The following SPECC1 variants were observed in gnomAD, a reference collection of about 807,000 sequenced individuals.
The protein encoded by SPECC1 is cytospin-B.
A neutral mutation model predicts 104.1 loss-of-function variants in SPECC1; 62 were observed. The observed-to-expected ratio is 0.60, with a 90% confidence interval of 0.49 to 0.74. SPECC1 has a LOEUF of 0.74. Ranked by LOEUF, SPECC1 falls within the 30% of genes least tolerant of loss-of-function variation. SPECC1 has a pLI of 0.00. For missense variants in SPECC1, 1,306 were observed against 1,310.5 expected, an observed-to-expected ratio of 1.00 and a Z score of 0.05; for synonymous variants, 513 against 501.6, an observed-to-expected ratio of 1.02 and a Z score of -0.30.
chr17:20,308,389 CAAAAAAAAA>C (rs3072413), intron 14 of SPECC1, among the ~76,000 whole-genome samples: 3 of 66,606 alleles, frequency 4.5e-5, no homozygotes, highest in East Asian at 1.1e-3. Context: ...AACTCCATCT[CAAAAAAAAA>C]AAAAAAAAAA....
At chr17:20,047,682 C>T (rs1409285370) in intron 1 of SPECC1, among the ~76,000 whole-genome samples, 1 of 151,834 alleles carries the variant, frequency 6.6e-6, no homozygotes, top group Non-Finnish European at 1.5e-5. Context: ...ACTGCAAGCT[C>T]CGTCTCCCAG....
chr17:20,261,690 CGTTTA>C (rs1339227926), intron 12 of SPECC1, among the ~76,000 whole-genome samples: 3 of 152,014 alleles, frequency 2.0e-5, no homozygotes, highest in African/African-American at 4.8e-5. Flanking sequence ...GAATTGTTTG[CGTTTA>C]GTTTAAGAGT....
At chr17:20,044,291 T>G (rs1470348735) in intron 1 of SPECC1, among the ~76,000 whole-genome samples, 1 of 152,208 alleles carries the variant, frequency 6.6e-6, no homozygotes, top group Non-Finnish European at 1.5e-5. Flanking sequence ...AGGCTGTTCT[T>G]ACGAGGTAGT....
chr17:20,255,246 T>C (rs955230722), intron 10 of SPECC1, among the ~76,000 whole-genome samples: 1 of 151,608 alleles, frequency 6.6e-6, no homozygotes, highest in African/African-American at 2.4e-5. Flanking sequence ...TCAGTGGAGG[T>C]AGAGAAATGA....
At chr17:20,250,279 TG>T (rs2151556212) in intron 9 of SPECC1, among the ~76,000 whole-genome samples, 1 of 152,308 alleles carries the variant, frequency 6.6e-6, no homozygotes, top group African/African-American at 2.4e-5. Flanking sequence ...CAAAACCAGA[TG>T]TTTTTTCCTA....
chr17:20,205,153 G>A lies in SPECC1; in HGVS notation c.1104G>A (p.Leu368=). ...GTTCCCCAAACAGCGTAAGTGAATT[G>A]TCCCTGGCTTCCCTCACAGAGAAGA... ...AGSSPNSVSE[L]SLASLTEKIQ... is the part of the protein sequence containing the mutation. Residue 368 remains leucine, a synonymous_variant, in exon 4 of 15, where the codon TTG becomes TTA. Transcript: ENST00000395527. The A allele has an allele frequency of 6.2e-7, 1 of 1,614,076 alleles. No homozygotes were observed. Among genetic ancestry groups the A allele is most frequent in the Non-Finnish European group, 8.5e-7 (1 of 1,180,002 alleles).
chr17:20,254,134 C>CGTCTGT (rs1021600483), intron 10 of SPECC1, among the ~76,000 whole-genome samples: 10 of 135,976 alleles, frequency 7.4e-5, no homozygotes, highest in African/African-American at 2.1e-4. Context: ...GTTGTTACAC[C>CGTCTGT]GTGTGTGTGT....
chr17:20,105,588 C>G (rs1301510167), intron 2 of SPECC1, among the ~76,000 whole-genome samples: 1 of 152,176 alleles, frequency 6.6e-6, no homozygotes, highest in Non-Finnish European at 1.5e-5. Context: ...ACTGCTGACT[C>G]CTCACCAGAG....
At chr17:20,065,271 G>C (rs1161561782) in intron 1 of SPECC1, among the ~76,000 whole-genome samples, 1 of 152,160 alleles carries the variant, frequency 6.6e-6, no homozygotes, top group Non-Finnish European at 1.5e-5. Flanking sequence ...TACCTGGAGA[G>C]AGCATCAGAT....
In SPECC1 at chr17:20,302,235, G is replaced by A. The variant is rs558609323; in HGVS notation, c.3058-3788G>A. Among the ~76,000 whole-genome samples, 9 of 152,336 alleles carry A rather than the reference G, an allele frequency of 5.9e-5. No homozygotes were observed. The East Asian group carries it at 1.7e-3, about 29-fold the overall frequency. On this transcript the variant is annotated intron_variant, in intron 13 of 14. Transcript: ENST00000395527. ...GCCCAACCCCTCAATCCCTGCTGGT[G>A]ACTAAGAGTTTTGCCACAGGTTGGG... is the stretch of plus-strand genomic sequence containing the variant.
intron 1 of SPECC1, among the ~76,000 whole-genome samples, chr17:20,091,069 T>C (rs2152499717): frequency 6.6e-6 from 1 of 152,330 alleles, no homozygotes; most frequent in South Asian, 2.1e-4. Flanking sequence ...CTTTTCCATT[T>C]AGTTTTTGTT....
At chr17:20,191,671 C>T (rs942369616) in intron 3 of SPECC1, among the ~76,000 whole-genome samples, 1 of 151,988 alleles carries the variant, frequency 6.6e-6, no homozygotes, top group Non-Finnish European at 1.5e-5. Context: ...CTGACAAGCC[C>T]TGGTGTGTGA....
intron 1 of SPECC1, among the ~76,000 whole-genome samples, chr17:20,046,351 A>G (rs1008184353): frequency 1.3e-5 from 2 of 152,144 alleles, no homozygotes; most frequent in African/African-American, 2.4e-5. Flanking sequence ...GTTAACCCAG[A>G]CCATGAGATT....
chr17:20,160,402 A>C (rs2033029158), intron 3 of SPECC1, among the ~76,000 whole-genome samples: 2 of 152,162 alleles, frequency 1.3e-5, no homozygotes, highest in South Asian at 4.2e-4. Flanking sequence ...AGTGGTGCAC[A>C]TTATTTCTAC....
intron 12 of SPECC1, among the ~76,000 whole-genome samples, chr17:20,264,888 C>T (rs1283099301): frequency 6.6e-6 from 1 of 152,132 alleles, no homozygotes; most frequent in Non-Finnish European, 1.5e-5. Context: ...GTTTTCTGTT[C>T]CTGCGTTAGT....
Position 20,071,964 on chromosome 17 carries a change from T to A in SPECC1, c.-21-24667T>A, listed in dbSNP as rs190350838. 2.6e-5 allele frequency among the ~76,000 whole-genome samples: 4 copies of A among 152,354 alleles called. No homozygotes were observed. The East Asian group carries it at 7.7e-4, about 29-fold the overall frequency. On this transcript the variant is annotated intron_variant, in intron 1 of 14. Transcript: ENST00000395527. ...GAGTGACTAGCTTGTACTTTTTTTC[T>A]GCCTAGCCTTTTTTCTCCTTTTGGA...
At chr17:20,038,590 C>T (rs9891008) in intron 1 of SPECC1, among the ~76,000 whole-genome samples, 10,483 of 151,902 alleles carry the variant, frequency 0.069, 989 homozygotes, top group African/African-American at 0.21. Flanking sequence ...TTAGTTGAGA[C>T]GGGGTTTCAC....
Position 20,096,675 on chromosome 17 carries a change from G to A in SPECC1, c.24G>A (p.Trp8Ter), listed in dbSNP as rs1331512956. The A allele has an allele frequency of 6.2e-7, 1 of 1,613,814 alleles. No homozygotes were observed. The highest frequency in any genetic ancestry group is 1.3e-5 in the African/African-American group (1 of 74,928). Residue 8 changes from tryptophan to a stop codon, truncating the protein, a stop_gained, in exon 2 of 15, where the codon TGG (tryptophan) becomes TGA (stop). Transcript: ENST00000395527. LOFTEE classifies it high-confidence loss of function. ...GCATGCGGAGTGCAGCCAAGCCCTG[G>A]AACCCAGCCATCAGAGCAGGGGGCC... MRSAAKP[W>*]NPAIRAGGHG...
intron 3 of SPECC1, among the ~76,000 whole-genome samples, chr17:20,191,526 G>A (rs1450054856): frequency 6.7e-6 from 1 of 149,578 alleles, no homozygotes; most frequent in African/African-American, 2.5e-5. Flanking sequence ...TTAAGTTCTG[G>A]GGTACATGTG....
Sources: gnomAD v4.1 joint callset for allele counts (sites outside exome capture counted in the v4.1 genomes callset) on GRCh38, gnomAD v4.1.1 for gene constraint, MANE v1.5 for transcripts, NCBI Gene and HGNC (gene_info 2026-07-23, HGNC 2026-07-21) for gene names.